The following ENPP2 variants were observed in gnomAD, a reference collection of about 807,000 sequenced individuals.
The protein encoded by ENPP2 is autotaxin.
ENPP2 carries 51 observed loss-of-function variants against 120.2 expected under a neutral mutation model. The ratio of observed to expected loss-of-function variants is 0.42; its 90% CI spans 0.34 to 0.54. The LOEUF (loss-of-function observed/expected upper bound fraction) is 0.54. ENPP2 is among the 20% of genes least tolerant of loss of function. ENPP2 has a pLI of 0.04. For missense variants in ENPP2, 920 were observed against 1,066.5 expected, an observed-to-expected ratio of 0.86 and a Z score of 1.91; for synonymous variants, 365 against 366.4, an observed-to-expected ratio of 1.00 and a Z score of 0.04.
intron 1 of ENPP2, among the ~76,000 whole-genome samples, chr8:119,662,330 TAAAC>T (rs889467684): frequency 6.6e-6 from 1 of 152,184 alleles, no homozygotes; most frequent in South Asian, 2.1e-4. Flanking sequence ...ATTAAATAAA[TAAAC>T]AATAAAGTAA....
At chr8:119,591,388 T>A (rs1813494903) in intron 12 of ENPP2, among the ~76,000 whole-genome samples, 1 of 152,238 alleles carries the variant, frequency 6.6e-6, no homozygotes, top group South Asian at 2.1e-4. Flanking sequence ...ATTTGTTGTG[T>A]GTCCCCATCA....
At chr8:119,644,623 T>TATATATATATATACACATACAC (rs1563768976) in intron 1 of ENPP2, among the ~76,000 whole-genome samples, 1 of 97,250 alleles carries the variant, frequency 1.0e-5, no homozygotes, top group African/African-American at 4.1e-5. Context: ...TATATATATA[T>TATATATATATATACACATACAC]ATACACACAC....
chr8:119,645,990 T>C (rs1817435735), intron 1 of ENPP2, among the ~76,000 whole-genome samples: 1 of 151,778 alleles, frequency 6.6e-6, no homozygotes, highest in Non-Finnish European at 1.5e-5. Context: ...TTTTTTGAGA[T>C]GGAGTTTCAC....
intron 8 of ENPP2, among the ~76,000 whole-genome samples, chr8:119,615,948 TAC>T (rs1401232682): frequency 2.0e-5 from 3 of 152,102 alleles, no homozygotes; most frequent in Non-Finnish European, 4.4e-5. Context: ...CATGCATATA[TAC>T]ACACAGAGAC....
chr8:119,655,547 G>A (rs1468596049), intron 1 of ENPP2, among the ~76,000 whole-genome samples: 1 of 152,166 alleles, frequency 6.6e-6, no homozygotes, highest in African/African-American at 2.4e-5. Flanking sequence ...ATATGTAAAT[G>A]AGAATGCATA....
At chr8:119,590,672 A>T in intron 12 of ENPP2, 42 bp from the exon 13 acceptor site, 1 of 1,395,442 alleles carries the variant, frequency 7.2e-7, no homozygotes, top group Non-Finnish European at 9.6e-7. Flanking sequence ...GCAAGACTAA[A>T]ACGAAAATCT....
At chr8:119,573,728 G>A (rs1812134259) in intron 19 of ENPP2, among the ~76,000 whole-genome samples, 2 of 152,140 alleles carry the variant, frequency 1.3e-5, no homozygotes, top group Non-Finnish European at 2.9e-5. Flanking sequence ...AGAACTGCTT[G>A]AACCTGGGAG....
chr8:119,572,473 T>C (rs981720738), intron 19 of ENPP2: 5 of 510,576 alleles, frequency 9.8e-6, no homozygotes, highest in African/African-American at 9.5e-5. Flanking sequence ...CTACTAACTC[T>C]GGCTCTTCCT....
intron 8 of ENPP2, among the ~76,000 whole-genome samples, chr8:119,608,685 TCA>T: frequency 6.6e-6 from 1 of 152,202 alleles, no homozygotes; most frequent in South Asian, 2.1e-4. Context: ...CTTGTTTCTG[TCA>T]CTTACCAGCC....
chr8:119,590,702 A>C (rs1167538814), intron 12 of ENPP2, 72 bp from the exon 13 acceptor site: 1 of 1,081,974 alleles, frequency 9.2e-7, no homozygotes, highest in Admixed American at 2.8e-5. Context: ...CACGAAAGAT[A>C]ACATCCAGGC....
intron 3 of ENPP2, among the ~76,000 whole-genome samples, chr8:119,624,138 C>A (rs1816107926): frequency 6.6e-6 from 1 of 152,092 alleles, no homozygotes; most frequent in Non-Finnish European, 1.5e-5. Context: ...AAAATCACAT[C>A]TACATTACTT....
chr8:119,596,089 C>G, intron 11 of ENPP2: 7 of 1,271,322 alleles, frequency 5.5e-6, no homozygotes, highest in Non-Finnish European at 7.7e-6. Flanking sequence ...CATCTGGGAT[C>G]AGCAGAGTCT....
chr8:119,617,644 C>T (rs573420429), intron 5 of ENPP2, 81 bp from the exon 6 acceptor site: 2 of 969,002 alleles, frequency 2.1e-6, no homozygotes, highest in East Asian at 2.6e-5. Flanking sequence ...ATAATGGGAG[C>T]AATAATTTCC....
At chr8:119,624,984 C>T (rs1442410650) in intron 3 of ENPP2, among the ~76,000 whole-genome samples, 2 of 152,080 alleles carry the variant, frequency 1.3e-5, no homozygotes, top group Non-Finnish European at 2.9e-5. Context: ...TATTATATCC[C>T]ATCCTTAATA....
intron 1 of ENPP2, among the ~76,000 whole-genome samples, chr8:119,666,638 G>A (rs1298028112): frequency 6.6e-6 from 1 of 152,112 alleles, no homozygotes; most frequent in Non-Finnish European, 1.5e-5. Flanking sequence ...AAATTAGCCA[G>A]GCGTGGTGGC....
intron 1 of ENPP2, among the ~76,000 whole-genome samples, chr8:119,649,411 A>AAAAAAG (rs1554626036): frequency 7.3e-5 from 11 of 150,596 alleles, no homozygotes; most frequent in South Asian, 4.2e-4. Context: ...CAAAAAAAAA[A>AAAAAAG]AAAAGAAAAG....
chr8:119,666,528 C>T (rs1205960166), intron 1 of ENPP2, among the ~76,000 whole-genome samples: 2 of 152,130 alleles, frequency 1.3e-5, no homozygotes, highest in South Asian at 2.1e-4. Flanking sequence ...CACCTGTTAT[C>T]CTAGCACTTT....
chr8:119,594,977 C>T (rs191961693), intron 11 of ENPP2, among the ~76,000 whole-genome samples: 222 of 152,244 alleles, frequency 1.5e-3, no homozygotes, highest in African/African-American at 5.2e-3. Flanking sequence ...TATTTCAAGT[C>T]CTATCCCAAG....
chr8:119,580,296 C>A (rs1223924083), intron 18 of ENPP2, 129 bp from the exon 19 acceptor site: 2 of 745,418 alleles, frequency 2.7e-6, no homozygotes, highest in South Asian at 1.5e-5. Flanking sequence ...CTATATCATA[C>A]ATTCTTTCGA....
Sources: allele counts gnomAD v4.1 joint callset (sites outside exome capture counted in the v4.1 genomes callset), GRCh38; gene constraint gnomAD v4.1.1; transcripts MANE v1.5; gene names NCBI Gene and HGNC (gene_info 2026-07-23, HGNC 2026-07-21).